Variants in TRPM3 observed in about 807,000 individuals in gnomAD.
The protein encoded by TRPM3 is transient receptor potential cation channel subfamily M member 3.
Under a neutral mutation model 181.2 loss-of-function variants are expected in TRPM3, and 77 were observed. The observed-to-expected ratio is 0.42, with a 90% confidence interval of 0.35 to 0.51. TRPM3 has a LOEUF of 0.51. Ranked by LOEUF, TRPM3 falls within the 20% of genes least tolerant of loss-of-function variation. The pLI is 0.01. For synonymous variants in TRPM3, 745 were observed against 796.4 expected, an observed-to-expected ratio of 0.94 and a Z score of 1.09; for missense variants, 1,759 against 2,196.7, an observed-to-expected ratio of 0.80 and a Z score of 3.98.
At chr9:71,268,105 G>T (rs764151810) in intron 1 of TRPM3, among the ~76,000 whole-genome samples, 4 of 152,198 alleles carry the variant, frequency 2.6e-5, no homozygotes, top group African/African-American at 4.8e-5. Flanking sequence ...CTTGGGCTGG[G>T]TGTGGTGGCT....
chr9:70,889,778 A>G (rs902312301), intron 1 of TRPM3, among the ~76,000 whole-genome samples: 1 of 152,080 alleles, frequency 6.6e-6, no homozygotes, highest in Non-Finnish European at 1.5e-5. Context: ...GTCATCAGGA[A>G]TTAAGGAAAG....
chr9:71,305,661 C>G (rs975132000), intron 1 of TRPM3, among the ~76,000 whole-genome samples: 1 of 152,094 alleles, frequency 6.6e-6, no homozygotes, highest in African/African-American at 2.4e-5. Flanking sequence ...ATGAAAAGCA[C>G]AATTCCCCAA....
chr9:70,620,123 C>T lies in TRPM3; in HGVS notation c.2082G>A (p.Glu694=), dbSNP rs1384960951. 1 of 1,613,284 alleles carries T rather than the reference C, an allele frequency of 6.2e-7. No homozygotes were observed. The highest frequency in any genetic ancestry group is 8.5e-7 in the Non-Finnish European group (1 of 1,179,300). ...LCKAMAHEAS[E]NDMVDDISQE... ...GGGAAATGTCGTCAACCATGTCGTT[C>T]TCAGAGGCCTCATGAGCCATGGCTT... The change falls in exon 16 of 26, where the codon GAG becomes GAA. Residue 694 remains glutamate, a synonymous_variant. Coordinates refer to ENST00000677713, the MANE Select transcript of TRPM3 (RefSeq NM_001366145.2).
chr9:70,695,350 T>C (rs1426391527), intron 8 of TRPM3, among the ~76,000 whole-genome samples: 2 of 152,226 alleles, frequency 1.3e-5, no homozygotes, highest in African/African-American at 4.8e-5. Flanking sequence ...GGATCATCTT[T>C]TTAAGTCACA....
intron 7 of TRPM3, chr9:70,774,506 A>G (rs952694919): frequency 9.2e-5 from 14 of 152,192 alleles, no homozygotes; most frequent in African/African-American, 3.4e-4. Context: ...AAAGTTATAC[A>G]TGGATTTTTG....
At chr9:70,978,842 GA>G (rs1246168088) in intron 1 of TRPM3, among the ~76,000 whole-genome samples, 1 of 152,160 alleles carries the variant, frequency 6.6e-6, no homozygotes. Flanking sequence ...ATCGAGCTTA[GA>G]CACCACCTGT....
At chr9:71,090,001 T>C (rs146552072) in intron 1 of TRPM3, among the ~76,000 whole-genome samples, 19 of 152,276 alleles carry the variant, frequency 1.2e-4, no homozygotes, top group African/African-American at 4.1e-4. Context: ...TAAGAAAGTT[T>C]ACGAATTTGC....
intron 11 of TRPM3, 65 bp downstream of exon 11, chr9:70,638,995 G>C: frequency 1.3e-6 from 2 of 1,558,980 alleles, no homozygotes; most frequent in African/African-American, 1.4e-5. Flanking sequence ...AGGCATATGG[G>C]GGGCAGGAGA....
At position 70,797,001 on chromosome 9, in the gene TRPM3, A is replaced by G. The variant is rs1463938237; in HGVS notation, c.974-12722T>C. Among the ~76,000 whole-genome samples the G allele has an allele frequency of 3.3e-5, 5 of 152,236 alleles. No homozygotes were observed. The East Asian group carries it at 9.7e-4, about 29-fold the overall frequency. ...AAAAGTTAGCTGGGCATGGTGGTATATACCTTTAGTCCCAGCTACTTTGGA... is the reference window on the plus strand; with the variant it reads ...AAAAGTTAGCTGGGCATGGTGGTATGTACCTTTAGTCCCAGCTACTTTGGA... On this transcript the variant is annotated intron_variant, in intron 6 of 25. Coordinates refer to ENST00000677713, the MANE Select transcript of TRPM3 (RefSeq NM_001366145.2).
chr9:71,089,607 T>C (rs578127541), intron 1 of TRPM3, among the ~76,000 whole-genome samples: 62 of 151,998 alleles, frequency 4.1e-4, no homozygotes, highest in Non-Finnish European at 8.2e-4. Context: ...TAAAATTATG[T>C]GATAAATATC....
chr9:71,312,950 G>A (rs1019448814), intron 1 of TRPM3, among the ~76,000 whole-genome samples: 2 of 152,082 alleles, frequency 1.3e-5, no homozygotes, highest in African/African-American at 2.4e-5. Flanking sequence ...AAATTGCTCT[G>A]TATAGTACTA....
At chr9:70,970,497 C>T (rs34653753) in intron 1 of TRPM3, among the ~76,000 whole-genome samples, 43,946 of 151,974 alleles carry the variant, frequency 0.29, 6,384 homozygotes, top group East Asian at 0.37. Context: ...ATGGGCCTTC[C>T]GTGGGGAGTA....
In TRPM3 at chr9:70,569,192, G is replaced by T. The variant is rs577549699; in HGVS notation, c.3224-15882C>A. On this transcript the variant is annotated intron_variant, in intron 22 of 25. Coordinates refer to ENST00000677713, the MANE Select transcript of TRPM3 (RefSeq NM_001366145.2). ...AAGACTCAATGTAAGCCATCTTCATGTCTTGTTTATCCTGCATCTGTTTTT... is the reference window on the plus strand; with the variant it reads ...AAGACTCAATGTAAGCCATCTTCATTTCTTGTTTATCCTGCATCTGTTTTT... 1.3e-3 allele frequency among the ~76,000 whole-genome samples: 192 copies of T among 152,272 alleles called. 1 individual carries two copies. Among genetic ancestry groups the T allele is most frequent in the African/African-American group, 4.4e-3 (181 of 41,556 alleles).
chr9:70,974,073 A>G (rs1450312465), intron 1 of TRPM3, among the ~76,000 whole-genome samples: 1 of 152,248 alleles, frequency 6.6e-6, no homozygotes, highest in Non-Finnish European at 1.5e-5. Context: ...AGAAACCAAC[A>G]GGCTAATCCT....
At chr9:71,053,092 GAAAAAAAAAAAAAA>G (rs36015552) in intron 1 of TRPM3, among the ~76,000 whole-genome samples, 14 of 62,456 alleles carry the variant, frequency 2.2e-4, no homozygotes, top group African/African-American at 6.2e-4. Flanking sequence ...CCATCCTAAG[GAAAAAAAAAAAAAA>G]AAAAAAAAAA....
chr9:71,043,837 C>T (rs2059110396), intron 1 of TRPM3, among the ~76,000 whole-genome samples: 1 of 152,128 alleles, frequency 6.6e-6, no homozygotes, highest in African/African-American at 2.4e-5. Context: ...AACACCTCTG[C>T]CCTCTTGGAA....
At chr9:71,237,203 A>G (rs2081410543) in intron 1 of TRPM3, among the ~76,000 whole-genome samples, 1 of 152,220 alleles carries the variant, frequency 6.6e-6, no homozygotes, top group South Asian at 2.1e-4. Flanking sequence ...TACAGGTATA[A>G]TCAAGCTGTG....
At chr9:71,341,338 G>A (rs2090947980) in intron 1 of TRPM3, among the ~76,000 whole-genome samples, 1 of 152,084 alleles carries the variant, frequency 6.6e-6, no homozygotes, top group South Asian at 2.1e-4. Context: ...TCATGGTGAG[G>A]AAATCTGGCA....
At chr9:71,281,267 A>C (rs1404170689) in intron 1 of TRPM3, among the ~76,000 whole-genome samples, 1 of 152,198 alleles carries the variant, frequency 6.6e-6, no homozygotes, top group Non-Finnish European at 1.5e-5. Context: ...ACACGGGATA[A>C]AGAAGAGGCA....
Sources: gnomAD v4.1 joint callset for allele counts (sites outside exome capture counted in the v4.1 genomes callset) on GRCh38, gnomAD v4.1.1 for gene constraint, MANE v1.5 for transcripts, NCBI Gene and HGNC (gene_info 2026-07-23, HGNC 2026-07-21) for gene names.